Variants in PELP1 observed in about 807,000 individuals in gnomAD.
The protein encoded by PELP1 is proline, glutamate and leucine rich protein 1, also known as proline-, glutamic acid- and leucine-rich protein 1.
A neutral mutation model predicts 95.5 loss-of-function variants in PELP1; 32 were observed. The observed-to-expected ratio is 0.34, with a 90% confidence interval of 0.25 to 0.45. The LOEUF is 0.45. Ranked by LOEUF, PELP1 falls within the 20% of genes least tolerant of loss-of-function variation. The pLI is 1.00. For synonymous variants in PELP1, 668 were observed against 600.1 expected, an observed-to-expected ratio of 1.11 and a Z score of -1.65; for missense variants, 1,358 against 1,444.8, an observed-to-expected ratio of 0.94 and a Z score of 0.97.
At chr17:4,703,600 G>A (rs1297683578) in intron 1 of PELP1, among the ~76,000 whole-genome samples, 2 of 152,028 alleles carry the variant, frequency 1.3e-5, no homozygotes, top group African/African-American at 2.4e-5. Flanking sequence ...GTGAGTGACC[G>A]GGCCTGGAAC....
At chr17:4,698,091 C>G (rs1450348407) in intron 1 of PELP1, among the ~76,000 whole-genome samples, 1 of 151,028 alleles carries the variant, frequency 6.6e-6, no homozygotes, top group Admixed American at 6.6e-5. Context: ...GTGATCCTCC[C>G]ACTTCGGCCT....
At chr17:4,685,261 C>T (rs529809177) in intron 3 of PELP1, among the ~76,000 whole-genome samples, 1 of 152,130 alleles carries the variant, frequency 6.6e-6, no homozygotes, top group Non-Finnish European at 1.5e-5. Flanking sequence ...GAGGCACACA[C>T]GGAAATAACT....
At position 4,675,882 on chromosome 17, in the gene PELP1, G is replaced by C. The variant is rs752226452; in HGVS notation, c.983C>G (p.Ser328Cys). The change falls in exon 9 of 17, where the codon TCT becomes TGT. Residue 328 changes from serine to cysteine, a missense_variant and splice_region_variant. Coordinates refer to ENST00000572293, the MANE Select transcript of PELP1 (RefSeq NM_014389.3). The surrounding 1 kb of genome is among the most constrained non-coding windows in gnomAD (Gnocchi z 4.3). ...GACGGACACGGGAGCTCCAAACTCA[G>C]AGCTAAAGAGAATCAGAGCAGGGAG... ...LARCLGLMLSSEFGAPVSVPV... is the reference protein window; with the variant it reads ...LARCLGLMLSCEFGAPVSVPV... 2 of 1,589,612 alleles carry C rather than the reference G, an allele frequency of 1.3e-6. No homozygotes were observed. The highest frequency in any genetic ancestry group is 1.1e-5 in the South Asian group (1 of 87,888).
intron 1 of PELP1, among the ~76,000 whole-genome samples, chr17:4,693,075 T>A (rs903098959): frequency 3.9e-5 from 6 of 152,184 alleles, no homozygotes; most frequent in African/African-American, 1.4e-4. Flanking sequence ...ATTGATACTC[T>A]CAAATATTTA....
rs1269691332 is a variant in PELP1 at position 4,672,821 on chromosome 17, G to T, written c.2170C>A (p.Leu724Ile). The T allele has an allele frequency of 6.2e-7, 1 of 1,613,912 alleles. No individual in the cohort carries two copies. Among genetic ancestry groups the T allele is most frequent in the Non-Finnish European group, 8.5e-7 (1 of 1,179,838 alleles). The change falls in exon 16 of 17, where the codon CTT (leucine) becomes ATT (isoleucine). Residue 724 changes from leucine to isoleucine, a missense_variant. Around this residue, in one of 7 missense-constraint regions of PELP1, gnomAD observed 340 missense variants for 322.9 expected, o/e 1.05. Transcript: ENST00000572293. Reference sequence around the variant, plus strand: ...GCCCGGTGGTTCTCAGGGCCAGGAAGAAGCCGGGGAGGGACAGACACTAGG... The same window carrying T: ...GCCCGGTGGTTCTCAGGGCCAGGAATAAGCCGGGGAGGGACAGACACTAGG... The part of the protein sequence containing the change: ...PGLVSVPPRL[L>I]PGPENHRAGS...
In PELP1 at chr17:4,682,879, A is replaced by G. The variant is rs1342683685; in HGVS notation, c.494T>C (p.Leu165Pro). The change falls in exon 4 of 17, where the codon CTG becomes CCG. Residue 165 changes from leucine to proline, a missense_variant. By Grantham distance (98) the Leu-to-Pro change is moderately conservative (BLOSUM62 -3). Coordinates refer to ENST00000572293, the MANE Select transcript of PELP1 (RefSeq NM_014389.3). ...LRDLLRYAAQ[L>P]PALFRDISMN... ...GGAGATGTCCCGGAACAGTGCAGGCAGCTGGGCTGCATATCGGAGGAGGTC... is the reference window on the plus strand; with the variant it reads ...GGAGATGTCCCGGAACAGTGCAGGCGGCTGGGCTGCATATCGGAGGAGGTC... 2.5e-6 allele frequency: 4 copies of G among 1,598,940 alleles called. No individual in the cohort carries two copies. The highest frequency in any genetic ancestry group is 2.6e-6 in the Non-Finnish European group (3 of 1,173,928).
chr17:4,695,511 T>A (rs909963739), intron 1 of PELP1, among the ~76,000 whole-genome samples: 4 of 148,130 alleles, frequency 2.7e-5, no homozygotes, highest in Non-Finnish European at 6.0e-5. Flanking sequence ...CAAAAATTTT[T>A]AAAAATTAGC....
chr17:4,674,839 G>T lies in PELP1; in HGVS notation c.1392C>A (p.Ser464Arg). Residue 464 changes from serine to arginine, a missense_variant, in exon 12 of 17, where the codon AGC (serine) becomes AGA (arginine). Physicochemically the swap from Ser to Arg is moderately radical, Grantham distance 110. Coordinates refer to ENST00000572293, the MANE Select transcript of PELP1 (RefSeq NM_014389.3). ...GGGCATCAGCTGGCGGGGAGATGTC[G>T]CTGAGCAGGTGGGTGAGCAGGGCCT... Reference protein sequence around the residue: ...SGEALLTHLLSDISPPADALK... With the variant: ...SGEALLTHLLRDISPPADALK... The T allele has an allele frequency of 6.2e-7, 1 of 1,612,966 alleles. No homozygotes were observed. Among genetic ancestry groups the T allele is most frequent in the Non-Finnish European group, 8.5e-7 (1 of 1,179,522 alleles).
Position 4,676,414 on chromosome 17 carries a change from T to C in PELP1, c.796A>G (p.Ser266Gly), listed in dbSNP as rs753132105. ...AGGGTGTGCAGTGAGGCCAGCAGAC[T>C]GTGTAGCTCCTGCTCCCAGCTCTCG... ...HTESWEQELH[S>G]LLASLHTLLG... The change falls in exon 7 of 17, where the codon AGT becomes GGT. Residue 266 changes from serine to glycine, a missense_variant. Coordinates refer to ENST00000572293, the MANE Select transcript of PELP1 (RefSeq NM_014389.3). 1.4e-5 allele frequency: 22 copies of C among 1,613,524 alleles called. No homozygotes were observed. In the South Asian group the frequency reaches 2.2e-4, roughly 16 times the overall value.
rs1912210419 is a variant in PELP1 at position 4,671,740 on chromosome 17, G to C, written c.3251C>G (p.Ala1084Gly). 2 of 1,532,780 alleles carry C rather than the reference G, an allele frequency of 1.3e-6. No homozygotes were observed. The highest frequency in any genetic ancestry group is 2.2e-5 in the Admixed American group (1 of 44,550). The allele number at this position is 1,532,780 out of a possible 1,614,324, so 94.9% of individuals were successfully genotyped here. The change falls in exon 16 of 17, where the codon GCA (alanine) becomes GGA (glycine). Residue 1084 changes from alanine to glycine, a missense_variant. Coordinates refer to ENST00000572293, the MANE Select transcript of PELP1 (RefSeq NM_014389.3). ...TGTCTCTGTCTCCATCTCTTCTTCT[G>C]CAGGTGTCTCTGGTGGGGGCTGCAC... ...DKVQPPPETP[A>G]EEEMETETEA...
chr17:4,699,655 C>G (rs994067040), intron 1 of PELP1, among the ~76,000 whole-genome samples: 3 of 152,136 alleles, frequency 2.0e-5, no homozygotes, highest in African/African-American at 7.2e-5. Flanking sequence ...GGCGCAATCT[C>G]GGCTCACTGC....
At position 4,673,809 on chromosome 17, in the gene PELP1, G is replaced by A. The variant is rs111411234; in HGVS notation, c.1583-135C>T. Reference sequence around the variant, plus strand: ...GCCAAGTCATTTAACTTCTCAACTAGAAAATGGGGATCATAAAAGTACCTC... The same window carrying A: ...GCCAAGTCATTTAACTTCTCAACTAAAAAATGGGGATCATAAAAGTACCTC... On this transcript the variant is annotated intron_variant, in intron 13 of 16. Transcript: ENST00000572293. This position sits in a 1 kb window ranked among gnomAD's most constrained non-coding sequence, Gnocchi z 5.7. 15 of 746,812 alleles carry A rather than the reference G, an allele frequency of 2.0e-5. No individual in the cohort carries two copies. Among genetic ancestry groups the A allele is most frequent in the African/African-American group, 5.2e-5 (3 of 58,126 alleles). 46.3% of individuals were successfully genotyped at this position (746,812 alleles called of 1,614,324 possible).
rs77452155 is a variant in PELP1, at chr17:4,680,936, C to G, written c.642+1566G>C. ...CATTCATGTTTGTTATTGTATCTCC[C>G]TAAAAACAACACTGTAATTCTTCTC... On this transcript the variant is annotated intron_variant, in intron 5 of 16. Coordinates refer to ENST00000572293, the MANE Select transcript of PELP1 (RefSeq NM_014389.3). Among the ~76,000 whole-genome samples the G allele has an allele frequency of 0.015, 2,282 of 152,274 alleles. 118 individuals carry two copies. The East Asian group carries it at 0.18, about 12-fold the overall frequency.
Position 4,675,122 on chromosome 17 carries a change from T to A in PELP1, c.1231A>T (p.Ile411Phe). The change falls in exon 11 of 17, where the codon ATC becomes TTC. Residue 411 changes from isoleucine to phenylalanine, a missense_variant. Ile to Phe is a conservative substitution (Grantham distance 21). Coordinates refer to ENST00000572293, the MANE Select transcript of PELP1 (RefSeq NM_014389.3). This position sits in a 1 kb window ranked among gnomAD's most constrained non-coding sequence, Gnocchi z 4.3. ...LLPQVLNSWS[I>F]GRDSLSPGQE... ...CCTGGAGAGAGGGAATCTCTACCGA[T>A]GCTCCAGGAATTGAGGACCTGGGGA... 1.9e-6 allele frequency: 3 copies of A among 1,613,842 alleles called. No individual in the cohort carries two copies. The highest frequency in any genetic ancestry group is 1.7e-6 in the Non-Finnish European group (2 of 1,179,862).
chr17:4,689,753 AGT>A (rs1344728880), intron 3 of PELP1, among the ~76,000 whole-genome samples: 1 of 152,216 alleles, frequency 6.6e-6, no homozygotes, highest in Non-Finnish European at 1.5e-5. Context: ...GTGGGCCAGG[AGT>A]GGCGGCTCAT....
At chr17:4,681,510 A>C (rs949688122) in intron 5 of PELP1, among the ~76,000 whole-genome samples, 1 of 151,870 alleles carries the variant, frequency 6.6e-6, no homozygotes, top group African/African-American at 2.4e-5. Flanking sequence ...CTCTCAAAAA[A>C]AAATAAAATG....
At position 4,673,772 on chromosome 17, in the gene PELP1, C is replaced by T. The variant is rs1597446329; in HGVS notation, c.1583-98G>A. ...CCCAAAATGGGCATCAACTCTGCCACTGCCTATCTTGGCCAAGTCATTTAA... is the reference window on the plus strand; with the variant it reads ...CCCAAAATGGGCATCAACTCTGCCATTGCCTATCTTGGCCAAGTCATTTAA... On this transcript the variant is annotated intron_variant, in intron 13 of 16. Transcript: ENST00000572293. This position sits in a 1 kb window ranked among gnomAD's most constrained non-coding sequence, Gnocchi z 5.7. 24 of 984,576 alleles carry T rather than the reference C, an allele frequency of 2.4e-5. No individual in the cohort carries two copies. In the East Asian group the frequency reaches 5.5e-4, roughly 22 times the overall value. The allele number at this position is 984,576 out of a possible 1,614,324, so 61.0% of individuals were successfully genotyped here.
At chr17:4,694,513 A>C (rs1913221937) in intron 1 of PELP1, among the ~76,000 whole-genome samples, 1 of 147,770 alleles carries the variant, frequency 6.8e-6, no homozygotes, top group Non-Finnish European at 1.5e-5. Flanking sequence ...AAAAAAAATC[A>C]GCCAGGCGTG....
At chr17:4,680,188 G>A (rs886326089) in intron 5 of PELP1, among the ~76,000 whole-genome samples, 1 of 152,178 alleles carries the variant, frequency 6.6e-6, no homozygotes, top group Non-Finnish European at 1.5e-5. Context: ...TCAGGAGAGT[G>A]AATGGCACAG....
Sources: allele counts gnomAD v4.1 joint callset (sites outside exome capture counted in the v4.1 genomes callset), GRCh38; gene constraint gnomAD v4.1.1; regional missense constraint gnomAD v4.1.1; non-coding constraint Gnocchi (gnomAD v3.1); transcripts MANE v1.5; gene names NCBI Gene and HGNC (gene_info 2026-07-23, HGNC 2026-07-21).